The following SLCO6A1 variants were observed in gnomAD, a reference collection of about 807,000 sequenced individuals.
The protein encoded by SLCO6A1 is solute carrier organic anion transporter family member 6A1, also known as cancer/testis antigen 48.
Under a neutral mutation model 72.7 loss-of-function variants are expected in SLCO6A1, and 65 were observed. The observed-to-expected ratio is 0.89, with a 90% CI of 0.73 to 1.10. The LOEUF (loss-of-function observed/expected upper bound fraction) is 1.10, where lower values mean the gene tolerates loss of function less well. Among genes scored for constraint, SLCO6A1 ranks in the 50% least tolerant of loss-of-function variants. The pLI is 0.00. For synonymous variants in SLCO6A1, 314 were observed against 298.2 expected (o/e 1.05, Z -0.55); for missense variants, 874 against 872.6 (o/e 1.00, Z -0.02).
intron 7 of SLCO6A1, among the ~76,000 whole-genome samples, chr5:102,426,429 A>G (rs528756966): frequency 7.2e-5 from 11 of 152,222 alleles, no homozygotes; most frequent in African/African-American, 2.6e-4. Context: ...CAAGAAAAAA[A>G]CAAACAACCC....
intron 7 of SLCO6A1, among the ~76,000 whole-genome samples, chr5:102,434,978 A>G (rs975308254): frequency 6.6e-6 from 1 of 152,222 alleles, no homozygotes; most frequent in African/African-American, 2.4e-5. Flanking sequence ...TTGGGACATG[A>G]TAAAGTGCAG....
At chr5:102,470,573 G>C in intron 4 of SLCO6A1, among the ~76,000 whole-genome samples, 1 of 152,012 alleles carries the variant, frequency 6.6e-6, no homozygotes, top group Admixed American at 6.6e-5. Context: ...AGTCTTGCTA[G>C]CGGTCTATTT....
intron 6 of SLCO6A1, among the ~76,000 whole-genome samples, chr5:102,442,923 T>C (rs375183075): frequency 2.6e-5 from 4 of 152,034 alleles, no homozygotes; most frequent in East Asian, 3.9e-4. Context: ...TTAGGCTGGG[T>C]GCAGTGGCTC....
At chr5:102,418,598 A>G (rs558947342) in intron 8 of SLCO6A1, among the ~76,000 whole-genome samples, 7 of 152,002 alleles carry the variant, frequency 4.6e-5, no homozygotes, top group Non-Finnish European at 1.0e-4. Flanking sequence ...ATAGCTTTGG[A>G]TCATATTATC....
At chr5:102,448,343 T>C (rs1580445611) in intron 6 of SLCO6A1, among the ~76,000 whole-genome samples, 1 of 152,284 alleles carries the variant, frequency 6.6e-6, no homozygotes, top group East Asian at 1.9e-4. Context: ...AGAATGTATA[T>C]TTTGTTTTGG....
chr5:102,484,315 T>C (rs1580515290), intron 1 of SLCO6A1, among the ~76,000 whole-genome samples: 1 of 152,152 alleles, frequency 6.6e-6, no homozygotes, highest in African/African-American at 2.4e-5. Flanking sequence ...TTTTGTTTTG[T>C]TTCTCCTGGT....
intron 1 of SLCO6A1, among the ~76,000 whole-genome samples, chr5:102,491,559 G>A (rs956859206): frequency 1.4e-4 from 21 of 152,228 alleles, no homozygotes; most frequent in African/African-American, 4.1e-4. Flanking sequence ...AAGGCCCCGC[G>A]AGAAATTGAA....
chr5:102,429,704 T>C (rs1749110444), intron 7 of SLCO6A1, among the ~76,000 whole-genome samples: 1 of 152,222 alleles, frequency 6.6e-6, no homozygotes, highest in African/African-American at 2.4e-5. Flanking sequence ...TTGGTTACTG[T>C]AGCCCCGTAG....
intron 5 of SLCO6A1, among the ~76,000 whole-genome samples, chr5:102,458,813 G>A (rs1750874578): frequency 6.6e-6 from 1 of 152,016 alleles, no homozygotes; most frequent in South Asian, 2.1e-4. Flanking sequence ...TTAAAATTTA[G>A]CCACACTTGA....
At chr5:102,489,509 T>G (rs1211916793) in intron 1 of SLCO6A1, among the ~76,000 whole-genome samples, 1 of 152,216 alleles carries the variant, frequency 6.6e-6, no homozygotes, top group Non-Finnish European at 1.5e-5. Context: ...CTATTTTTTT[T>G]AATGCTCAAC....
At chr5:102,376,503 ATG>A (rs1167816955) in intron 12 of SLCO6A1, among the ~76,000 whole-genome samples, 1 of 152,158 alleles carries the variant, frequency 6.6e-6, no homozygotes, top group African/African-American at 2.4e-5. Context: ...TAAAAATCCT[ATG>A]TGTGTGTGCC....
chr5:102,471,660 C>T (rs1002783569), intron 4 of SLCO6A1, among the ~76,000 whole-genome samples: 1 of 152,076 alleles, frequency 6.6e-6, no homozygotes, highest in Non-Finnish European at 1.5e-5. Flanking sequence ...CAATTTATCC[C>T]TAGCAAGAAT....
intron 9 of SLCO6A1, among the ~76,000 whole-genome samples, chr5:102,409,386 C>A (rs1747847151): frequency 6.6e-6 from 1 of 151,980 alleles, no homozygotes; most frequent in Admixed American, 6.6e-5. Flanking sequence ...GACATATTTT[C>A]ATTGAGAAAA....
intron 10 of SLCO6A1, 162 bp from the exon 11 acceptor site, chr5:102,391,207 A>T: frequency 1.6e-6 from 1 of 624,260 alleles, no homozygotes; most frequent in Non-Finnish European, 2.8e-6. Flanking sequence ...AAGGACTACA[A>T]CTCCCCATTT....
At chr5:102,382,976 T>TGA (rs1301530773) in intron 12 of SLCO6A1, among the ~76,000 whole-genome samples, 170 of 149,420 alleles carry the variant, frequency 1.1e-3, no homozygotes, top group South Asian at 4.8e-3. Flanking sequence ...TGTATATATA[T>TGA]GAGAGATATA....
chr5:102,424,653 C>G (rs1242999309), intron 7 of SLCO6A1, among the ~76,000 whole-genome samples: 1 of 151,994 alleles, frequency 6.6e-6, no homozygotes, highest in African/African-American at 2.4e-5. Flanking sequence ...AAAAAAAGCC[C>G]AGGATCAGAT....
intron 2 of SLCO6A1, among the ~76,000 whole-genome samples, chr5:102,478,542 C>T (rs1752029961): frequency 6.6e-6 from 1 of 152,296 alleles, no homozygotes; most frequent in East Asian, 1.9e-4. Flanking sequence ...ATACAGTAAA[C>T]ATTTCTTTCC....
At chr5:102,452,941 G>T (rs1299520721) in intron 6 of SLCO6A1, among the ~76,000 whole-genome samples, 1 of 152,154 alleles carries the variant, frequency 6.6e-6, no homozygotes, top group Admixed American at 6.6e-5. Context: ...CAAATGGCAT[G>T]AACCATGAGG....
At chr5:102,405,344 A>C (rs1161914809) in intron 9 of SLCO6A1, among the ~76,000 whole-genome samples, 1 of 152,024 alleles carries the variant, frequency 6.6e-6, no homozygotes, top group East Asian at 1.9e-4. Flanking sequence ...AGTGAATTCC[A>C]AACAGGATAA....
Sources: gnomAD v4.1 joint callset for allele counts (sites outside exome capture counted in the v4.1 genomes callset) on GRCh38, gnomAD v4.1.1 for gene constraint, MANE v1.5 for transcripts, NCBI Gene and HGNC (gene_info 2026-07-23, HGNC 2026-07-21) for gene names.